The following COMMD2 variants were observed in gnomAD, a reference collection of about 807,000 sequenced individuals.
The protein encoded by COMMD2 is COMM domain-containing protein 2.
A neutral mutation model predicts 22.5 loss-of-function variants in COMMD2; 25 were observed. The ratio of observed to expected loss-of-function variants is 1.11; its 90% confidence interval spans 0.81 to 1.55. The LOEUF is 1.55. Among genes scored for constraint, COMMD2 ranks in the 40% most tolerant of loss-of-function variants. The probability of loss-of-function intolerance (pLI) is 0.00; values close to 1 mark genes in which losing one functional copy is unlikely to be tolerated. For missense variants in COMMD2, 223 were observed against 232.9 expected, an observed-to-expected ratio of 0.96 and a Z score of 0.28; for synonymous variants, 98 against 91.2, an observed-to-expected ratio of 1.07 and a Z score of -0.42.
intron 2 of COMMD2, chr3:149,751,929 T>C (rs989357124): frequency 3.7e-5 from 14 of 380,394 alleles, no homozygotes; most frequent in African/African-American, 1.0e-4. Flanking sequence ...CCACAGACTT[T>C]GGTATATTTA....
Position 149,739,608 on chromosome 3 carries a change from G to A in COMMD2, c.*1913C>T, listed in dbSNP as rs1716156056. On this transcript the variant is annotated 3_prime_UTR_variant, in exon 5 of 5. Coordinates refer to ENST00000473414, the MANE Select transcript of COMMD2 (RefSeq NM_016094.4). ...AGGGCTATTGTTTCATCTTGGCTGG[G>A]ATCAGCCATGTTTACCTTCCATCGA... The A allele has an allele frequency of 1.3e-5, 2 of 152,172 alleles. No homozygotes were observed. Among genetic ancestry groups the A allele is most frequent in the Admixed American group, 1.3e-4 (2 of 15,264 alleles). 9.4% of individuals were successfully genotyped at this position (152,172 alleles called of 1,614,324 possible). A position where few individuals can be genotyped will look rare whatever the true frequency, so the allele number is the denominator to read the frequency against.
rs1553739310 is a variant in COMMD2 at position 149,741,058 on chromosome 3, T to TGTA, written c.*462_*463insTAC. ...ATTACTTTTTTATTTTTATTTTTACTTTATTATTATTATTATTATTTTTGA... is the reference window on the plus strand; with the variant it reads ...ATTACTTTTTTATTTTTATTTTTACTGTATTATTATTATTATTATTATTTTTGA... On this transcript the variant is annotated 3_prime_UTR_variant, in exon 5 of 5. Coordinates refer to ENST00000473414, the MANE Select transcript of COMMD2 (RefSeq NM_016094.4). 6.6e-6 allele frequency: 1 copy of TGTA among 152,058 alleles called. No individual in the cohort carries two copies. The highest frequency in any genetic ancestry group is 2.4e-5 in the African/African-American group (1 of 41,236). 9.4% of individuals were successfully genotyped at this position (152,058 alleles called of 1,614,324 possible).
At chr3:149,750,354 G>A (rs74697246) in intron 4 of COMMD2, 26,174 of 443,330 alleles carry the variant, frequency 0.059, 915 homozygotes, top group Non-Finnish European at 0.065. Context: ...TTCATTGAGC[G>A]GTACATTGAC....
Position 149,750,769 on chromosome 3 carries a change from A to C in COMMD2, c.311T>G (p.Leu104Arg), listed in dbSNP as rs1716507138. 4 of 1,607,792 alleles carry C rather than the reference A, an allele frequency of 2.5e-6. No individual in the cohort carries two copies. The East Asian group carries it at 8.9e-5, about 36-fold the overall frequency. ...ELNKLLLQLY[L>R]DNRKEIRTIL... is the part of the protein sequence containing the mutation. ...CGTTCTGATCTCTTTTCTGTTGTCC[A>C]GATAAAGCTGAAGCAACAATTTGTT... Residue 104 changes from leucine to arginine, a missense_variant, in exon 4 of 5, where the codon CTG (leucine) becomes CGG (arginine). Transcript: ENST00000473414.
intron 3 of COMMD2, among the ~76,000 whole-genome samples, chr3:149,751,140 T>TA (rs570990698): frequency 1.4e-3 from 215 of 152,320 alleles, no homozygotes; most frequent in African/African-American, 5.1e-3. Context: ...TCCCTCCTCT[T>TA]ATGTATCTTC....
intron 2 of COMMD2, 29 bp from the exon 3 acceptor site, chr3:149,751,514 T>C: frequency 6.5e-7 from 1 of 1,539,834 alleles, no homozygotes; most frequent in East Asian, 2.3e-5. Context: ...AACGAGCAAA[T>C]AAATTACTAC....
intron 4 of COMMD2, among the ~76,000 whole-genome samples, chr3:149,746,403 G>T (rs1367050963): frequency 6.6e-6 from 1 of 152,128 alleles, no homozygotes; most frequent in Non-Finnish European, 1.5e-5. Flanking sequence ...GCTATGGTAG[G>T]AGTAGTTTCA....
intron 3 of COMMD2, 163 bp downstream of exon 3, chr3:149,751,240 G>T (rs1716520137): frequency 1.9e-6 from 2 of 1,076,088 alleles, no homozygotes; most frequent in Non-Finnish European, 2.6e-6. Flanking sequence ...CATATCAGCA[G>T]ATGATATGAT....
intron 4 of COMMD2, among the ~76,000 whole-genome samples, chr3:149,747,635 T>G (rs1175016407): frequency 6.6e-6 from 1 of 152,196 alleles, no homozygotes; most frequent in Non-Finnish European, 1.5e-5. Context: ...GAGACAACTC[T>G]TTCAAGAAGT....
chr3:149,744,226 T>C (rs1423174209), intron 4 of COMMD2, among the ~76,000 whole-genome samples: 1 of 152,316 alleles, frequency 6.6e-6, no homozygotes, highest in South Asian at 2.1e-4. Flanking sequence ...AAATGTTTAC[T>C]CTGAAGGGCC....
rs1716526457 is a variant in COMMD2, at chr3:149,751,407, A to G, written c.224T>C (p.Leu75Pro). ...LTYLLTESSK[L>P]MISELDFQDS... ...ACAGTCCAGAAAATCCCTTACCATG[A>G]GCTTTGAGCTCTCAGTGAGGAGATA... The change falls in exon 3 of 5, where the codon CTC becomes CCC. Residue 75 changes from leucine (L) to proline (P), a missense_variant. By Grantham distance (98) the Leu-to-Pro change is moderately conservative (BLOSUM62 -3). Coordinates refer to ENST00000473414, the MANE Select transcript of COMMD2 (RefSeq NM_016094.4). 6 of 1,613,982 alleles carry G rather than the reference A, an allele frequency of 3.7e-6. No individual in the cohort carries two copies. The African/African-American group carries it at 8.0e-5, about 22-fold the overall frequency.
chr3:149,749,914 G>A (rs780662104), intron 4 of COMMD2, among the ~76,000 whole-genome samples: 7 of 152,066 alleles, frequency 4.6e-5, no homozygotes, highest in Non-Finnish European at 8.8e-5. Flanking sequence ...TTTTGAGAAT[G>A]CCTAATATCC....
chr3:149,742,117 A>T (rs1402430492), intron 4 of COMMD2, among the ~76,000 whole-genome samples: 1 of 152,216 alleles, frequency 6.6e-6, no homozygotes, highest in East Asian at 1.9e-4. Context: ...ATAAGAAAAA[A>T]ACCTCAAAAC....
chr3:149,743,433 T>C (rs907113137), intron 4 of COMMD2, among the ~76,000 whole-genome samples: 3 of 152,164 alleles, frequency 2.0e-5, no homozygotes, highest in Non-Finnish European at 2.9e-5. Context: ...GAAGACTAGA[T>C]TCCAACTTGA....
chr3:149,744,617 C>T (rs559709626), intron 4 of COMMD2, among the ~76,000 whole-genome samples: 2 of 152,344 alleles, frequency 1.3e-5, no homozygotes, highest in East Asian at 3.9e-4. Context: ...CACTACCAGT[C>T]TCCATGAGAC....
chr3:149,752,070 T>TGAA, intron 2 of COMMD2, 140 bp downstream of exon 2: 1 of 678,224 alleles, frequency 1.5e-6, no homozygotes, highest in Non-Finnish European at 2.5e-6. Flanking sequence ...GCACCCTGAC[T>TGAA]GAAGAGCTCT....
chr3:149,738,582 T>C lies in COMMD2; in HGVS notation c.*2939A>G, dbSNP rs532494942. The C allele has an allele frequency of 6.6e-6, 1 of 152,122 alleles. No individual in the cohort carries two copies. Among genetic ancestry groups the C allele is most frequent in the South Asian group, 2.1e-4 (1 of 4,812 alleles). The allele number at this position is 152,122 out of a possible 1,614,324, so 9.4% of individuals were successfully genotyped here. ...CCTTACGAGTCAATGTGGTAGGTAA[T>C]CCTATATTCCTATTTTAGAGATGAA... On this transcript the variant is annotated 3_prime_UTR_variant, in exon 5 of 5. Transcript: ENST00000473414.
In COMMD2 at chr3:149,740,052, C is replaced by T. The variant is rs955528955; in HGVS notation, c.*1469G>A. The T allele has an allele frequency of 2.0e-5, 3 of 152,198 alleles. No individual in the cohort carries two copies. The highest frequency in any genetic ancestry group is 7.2e-5 in the African/African-American group (3 of 41,440). The allele number at this position is 152,198 out of a possible 1,614,324, so 9.4% of individuals were successfully genotyped here. A position where few individuals can be genotyped will look rare whatever the true frequency, so the allele number is the denominator to read the frequency against. Reference sequence around the variant, plus strand: ...CAAAGTATTGACAAAGTCTAGAGCGCAGTTTAGAGTTTGATTGCTTCTACA... The same window carrying T: ...CAAAGTATTGACAAAGTCTAGAGCGTAGTTTAGAGTTTGATTGCTTCTACA... On this transcript the variant is annotated 3_prime_UTR_variant, in exon 5 of 5. Transcript: ENST00000473414.
At chr3:149,748,585 G>A (rs1716441200) in intron 4 of COMMD2, among the ~76,000 whole-genome samples, 1 of 152,250 alleles carries the variant, frequency 6.6e-6, no homozygotes, top group Admixed American at 6.5e-5. Context: ...CCCAAAGGGA[G>A]ACATCATTTA....
Sources: gnomAD v4.1 joint callset for allele counts (sites outside exome capture counted in the v4.1 genomes callset) on GRCh38, gnomAD v4.1.1 for gene constraint, MANE v1.5 for transcripts, NCBI Gene and HGNC (gene_info 2026-07-23, HGNC 2026-07-21) for gene names.